The following PLCB1 variants were observed in gnomAD, a reference collection of about 807,000 sequenced individuals.
The protein encoded by PLCB1 is phospholipase C beta 1, also known as 1-phosphatidylinositol 4,5-bisphosphate phosphodiesterase beta-1.
In PLCB1, 46 loss-of-function variants were observed where a neutral mutation model predicts 161.8. The ratio of observed to expected loss-of-function variants is 0.28; its 90% CI spans 0.22 to 0.36. The LOEUF is 0.36. Among genes scored for constraint, PLCB1 ranks in the 10% least tolerant of loss-of-function variants. The probability of loss-of-function intolerance (pLI) is 1.00; values close to 1 mark genes in which losing one functional copy is unlikely to be tolerated. For missense variants in PLCB1, 1,016 were observed against 1,472.5 expected (o/e 0.69, Z 5.07); for synonymous variants, 517 against 503.7 (o/e 1.03, Z -0.35).
At chr20:8,236,154 A>C (rs1310256302) in intron 2 of PLCB1, among the ~76,000 whole-genome samples, 1 of 152,172 alleles carries the variant, frequency 6.6e-6, no homozygotes, top group Non-Finnish European at 1.5e-5. Flanking sequence ...AATATAGTGT[A>C]AGACAACTAA....
At chr20:8,616,366 CT>C (rs2123185125) in intron 3 of PLCB1, among the ~76,000 whole-genome samples, 1 of 152,304 alleles carries the variant, frequency 6.6e-6, no homozygotes, top group South Asian at 2.1e-4. Context: ...GCCTGAAGTG[CT>C]TCTTACTAAA....
chr20:8,153,855 G>A (rs1360314326), intron 2 of PLCB1, among the ~76,000 whole-genome samples: 1 of 152,026 alleles, frequency 6.6e-6, no homozygotes, highest in African/African-American at 2.4e-5. Flanking sequence ...AAGAACACAC[G>A]GTTTGCATGA....
intron 2 of PLCB1, among the ~76,000 whole-genome samples, chr20:8,166,840 A>G (rs992238695): frequency 3.3e-5 from 5 of 152,052 alleles, no homozygotes; most frequent in African/African-American, 7.2e-5. Context: ...ATTTTTCACA[A>G]TACTTTTCCT....
chr20:8,626,085 G>A (rs1480364563), intron 3 of PLCB1, among the ~76,000 whole-genome samples: 1 of 151,128 alleles, frequency 6.6e-6, no homozygotes, highest in African/African-American at 2.4e-5. Flanking sequence ...GGCTGAGGCA[G>A]GAGAATCGCT....
rs993670 is a variant in PLCB1 at position 8,733,195 on chromosome 20, G to A, written c.1889-43G>A. The A allele has an allele frequency of 0.98, 1,565,650 of 1,600,326 alleles. 766,077 individuals are homozygous for A. Among genetic ancestry groups the A allele is most frequent in the East Asian group, 1 (44,659 of 44,688 alleles). ...TTACAATCTTACTTTCTTACCCCAA[G>A]TATAGATAAACTCACAATAAGGCTT... On this transcript the variant is annotated intron_variant, in intron 18 of 31. Coordinates refer to ENST00000338037, the MANE Select transcript of PLCB1 (RefSeq NM_015192.4).
chr20:8,514,207 A>G (rs1182499950), intron 3 of PLCB1, among the ~76,000 whole-genome samples: 2 of 151,872 alleles, frequency 1.3e-5, no homozygotes, highest in Non-Finnish European at 2.9e-5. Flanking sequence ...TGGTAGGCCG[A>G]GGTGGGCAGA....
At chr20:8,504,425 A>G (rs1983545292) in intron 3 of PLCB1, among the ~76,000 whole-genome samples, 1 of 152,196 alleles carries the variant, frequency 6.6e-6, no homozygotes, top group Non-Finnish European at 1.5e-5. Context: ...ATAATGGTAA[A>G]TAGCACTGAT....
intron 7 of PLCB1, chr20:8,651,341 G>C (rs916833895): frequency 3.0e-6 from 2 of 676,634 alleles, no homozygotes; most frequent in African/African-American, 3.6e-5. Context: ...AAACAGCAAA[G>C]TTCATTAACA....
intron 10 of PLCB1, 101 bp from the exon 11 acceptor site, chr20:8,697,525 A>C: frequency 8.5e-7 from 1 of 1,179,148 alleles, no homozygotes. Flanking sequence ...TGCAGCTCTT[A>C]GACTCTTTGT....
At chr20:8,489,429 C>T (rs115485642) in intron 3 of PLCB1, among the ~76,000 whole-genome samples, 199 of 152,164 alleles carry the variant, frequency 1.3e-3, no homozygotes, top group African/African-American at 4.7e-3. Context: ...TTAAATAAAT[C>T]GTTGTAATAA....
At position 8,211,722 on chromosome 20, in the gene PLCB1, T is replaced by C. The variant is rs148595071; in HGVS notation, c.177+61351T>C. On this transcript the variant is annotated intron_variant, in intron 2 of 31. Transcript: ENST00000338037. Reference sequence around the variant, plus strand: ...TTTGTGTTTTAGAGCAGAAGATGTATTCATTTCAATTTCTCTTAACATCTA... The same window carrying C: ...TTTGTGTTTTAGAGCAGAAGATGTACTCATTTCAATTTCTCTTAACATCTA... Among the ~76,000 whole-genome samples the C allele has an allele frequency of 5.5e-4, 84 of 152,238 alleles. 1 individual carries two copies. In the East Asian group the frequency reaches 0.014, roughly 26 times the overall value.
At chr20:8,172,880 A>G (rs1360648860) in intron 2 of PLCB1, among the ~76,000 whole-genome samples, 1 of 152,148 alleles carries the variant, frequency 6.6e-6, no homozygotes, top group African/African-American at 2.4e-5. Flanking sequence ...CCAGCCAGTA[A>G]AAGAAGGTGA....
At chr20:8,868,380 AAG>A (rs3035003) in intron 31 of PLCB1, among the ~76,000 whole-genome samples, 45,462 of 152,018 alleles carry the variant, frequency 0.3, 7,701 homozygotes, top group East Asian at 0.65. Context: ...GCAGGTCAAT[AAG>A]ACCCTGGGCC....
At chr20:8,508,570 G>A (rs1163165586) in intron 3 of PLCB1, among the ~76,000 whole-genome samples, 1 of 152,074 alleles carries the variant, frequency 6.6e-6, no homozygotes, top group Non-Finnish European at 1.5e-5. Flanking sequence ...ATACCGCAGA[G>A]GCTAGAGATA....
chr20:8,862,478 A>G (rs540746223), intron 31 of PLCB1, among the ~76,000 whole-genome samples: 1 of 152,336 alleles, frequency 6.6e-6, no homozygotes, highest in African/African-American at 2.4e-5. Flanking sequence ...GAGTGATCAC[A>G]TATAATGTAA....
intron 2 of PLCB1, among the ~76,000 whole-genome samples, chr20:8,197,072 T>C (rs867726299): frequency 5.3e-5 from 8 of 152,348 alleles, no homozygotes; most frequent in African/African-American, 1.7e-4. Flanking sequence ...CTATCATTGT[T>C]GGACATTTGG....
chr20:8,302,469 T>A (rs946440435), intron 2 of PLCB1, among the ~76,000 whole-genome samples: 2 of 152,204 alleles, frequency 1.3e-5, no homozygotes, highest in African/African-American at 4.8e-5. Flanking sequence ...TTAAACAGGC[T>A]CGATTGCGTC....
At chr20:8,438,574 T>A (rs1980410794) in intron 3 of PLCB1, among the ~76,000 whole-genome samples, 1 of 152,106 alleles carries the variant, frequency 6.6e-6, no homozygotes, top group South Asian at 2.1e-4. Context: ...TACAACCCAA[T>A]AAGAAAGTGA....
intron 3 of PLCB1, among the ~76,000 whole-genome samples, chr20:8,514,445 CAAAAAAA>C (rs752609524): frequency 0.015 from 1,171 of 78,558 alleles, 20 homozygotes; most frequent in Non-Finnish European, 0.015. Context: ...ACTCCATCTC[CAAAAAAA>C]AAAAAAAAAA....
Sources: gnomAD v4.1 joint callset for allele counts (sites outside exome capture counted in the v4.1 genomes callset) on GRCh38, gnomAD v4.1.1 for gene constraint, MANE v1.5 for transcripts, NCBI Gene and HGNC (gene_info 2026-07-23, HGNC 2026-07-21) for gene names.